The following DAB2IP variants were observed in gnomAD, a reference collection of about 807,000 sequenced individuals.
DAB2IP encodes disabled homolog 2-interacting protein.
A neutral mutation model predicts 107.2 loss-of-function variants in DAB2IP; 28 were observed. That is an observed-to-expected ratio of 0.26 (90% confidence interval 0.19 to 0.36). DAB2IP has a LOEUF of 0.36. Ranked by LOEUF, DAB2IP falls within the 10% of genes least tolerant of loss-of-function variation. The pLI is 1.00. For synonymous variants in DAB2IP, 755 were observed against 706.4 expected (o/e 1.07, Z -1.09); for missense variants, 1,400 against 1,644.7 (o/e 0.85, Z 2.57).
At chr9:121,585,356 G>A (rs1445591944) in intron 1 of DAB2IP, among the ~76,000 whole-genome samples, 1 of 152,128 alleles carries the variant, frequency 6.6e-6, no homozygotes, top group African/African-American at 2.4e-5. Context: ...TTTGAGGCAA[G>A]TTTCTTAACC....
At chr9:121,608,972 C>T (rs1365120041) in intron 1 of DAB2IP, among the ~76,000 whole-genome samples, 2 of 152,160 alleles carry the variant, frequency 1.3e-5, no homozygotes, top group Non-Finnish European at 2.9e-5. Context: ...GACAGCGTCT[C>T]GCTCTGTCGC....
intron 1 of DAB2IP, among the ~76,000 whole-genome samples, chr9:121,568,478 AAGG>A (rs1210485865): frequency 6.6e-6 from 1 of 152,178 alleles, no homozygotes; most frequent in Non-Finnish European, 1.5e-5. Context: ...TAGTGAATGG[AAGG>A]AGGAGGAGAA....
chr9:121,770,796 G>A (rs1834664774), intron 11 of DAB2IP, 72 bp downstream of exon 11: 4 of 1,559,556 alleles, frequency 2.6e-6, no homozygotes, highest in South Asian at 1.2e-5. Context: ...TGTAATCTCA[G>A]ATGGGGAAAG....
rs79553894 is a variant in DAB2IP at position 121,620,499 on chromosome 9, C to G, written c.40+53271C>G. On this transcript the variant is annotated intron_variant, in intron 1 of 16. Transcript: ENST00000259371. ...CATTCCCATCTGTAAAATGGGATAA[C>G]AGTGCTAACCCCAGTAGGTTCTTGG... Among the ~76,000 whole-genome samples the G allele has an allele frequency of 9.2e-3, 1,404 of 152,312 alleles. 17 individuals carry two copies. The highest frequency in any genetic ancestry group is 0.03 in the African/African-American group (1,235 of 41,560).
intron 3 of DAB2IP, among the ~76,000 whole-genome samples, 164 bp from the exon 4 acceptor site, chr9:121,756,849 T>C (rs565048799): frequency 6.7e-6 from 1 of 149,608 alleles, no homozygotes; most frequent in South Asian, 2.1e-4. Flanking sequence ...CACCAGTCTC[T>C]GTGACAGCCC....
chr9:121,737,542 C>T (rs2118880270), intron 3 of DAB2IP: 3 of 985,424 alleles, frequency 3.0e-6, no homozygotes, highest in Non-Finnish European at 3.6e-6. Flanking sequence ...TGGGAATGGG[C>T]CTCTGTGGCC....
chr9:121,740,382 C>T (rs1240047545), intron 3 of DAB2IP, among the ~76,000 whole-genome samples: 3 of 152,158 alleles, frequency 2.0e-5, no homozygotes, highest in South Asian at 4.1e-4. Context: ...GTGTTCCCCC[C>T]GTCAGCCCCT....
intron 1 of DAB2IP, among the ~76,000 whole-genome samples, chr9:121,602,030 C>T (rs1158585080): frequency 1.3e-5 from 2 of 151,814 alleles, no homozygotes; most frequent in African/African-American, 4.8e-5. Context: ...CACTTTAAAC[C>T]ACCCGCCACT....
intron 8 of DAB2IP, among the ~76,000 whole-genome samples, chr9:121,765,559 A>G (rs993948157): frequency 6.6e-6 from 1 of 152,150 alleles, no homozygotes; most frequent in African/African-American, 2.4e-5. Flanking sequence ...TGGCTCTGTG[A>G]GCTTGGCAGG....
chr9:121,656,222 G>T (rs185945033), intron 1 of DAB2IP, among the ~76,000 whole-genome samples: 3 of 152,074 alleles, frequency 2.0e-5, no homozygotes, highest in Admixed American at 6.5e-5. Flanking sequence ...TGGTCAGGCT[G>T]GTCTCGAACT....
chr9:121,766,670 G>A (rs1834308136), exon 9 of DAB2IP: 5 of 1,614,046 alleles, frequency 3.1e-6, no homozygotes, highest in East Asian at 2.2e-5. Flanking sequence ...CCTGATGACC[G>A]CACTGCCCGC....
In DAB2IP at chr9:121,785,368, A is replaced by G. The variant is rs148828899; in HGVS notation, c.*2870A>G. Reference sequence around the variant, plus strand: ...TTTGTAAGTATGTGAAAAGGAAAAAATGCAAACGTTGGAGTTTGGGCTGGA... The same window carrying G: ...TTTGTAAGTATGTGAAAAGGAAAAAGTGCAAACGTTGGAGTTTGGGCTGGA... On this transcript the variant is annotated 3_prime_UTR_variant, in exon 16 of 16. Coordinates refer to ENST00000408936, the Ensembl canonical transcript of DAB2IP. The G allele has an allele frequency of 1.8e-4, 27 of 152,752 alleles. No homozygotes were observed. The East Asian group carries it at 4.2e-3, about 24-fold the overall frequency. 9.5% of individuals were successfully genotyped at this position (152,752 alleles called of 1,614,324 possible). A position where few individuals can be genotyped will look rare whatever the true frequency, so the allele number is the denominator to read the frequency against.
intron 3 of DAB2IP, among the ~76,000 whole-genome samples, chr9:121,722,539 TC>T (rs2062513959): frequency 1.3e-5 from 2 of 152,174 alleles, no homozygotes; most frequent in African/African-American, 4.8e-5. Flanking sequence ...CAGGAAACTT[TC>T]ATTGAGCCCC....
chr9:121,632,073 A>T (rs1036962292), intron 1 of DAB2IP, among the ~76,000 whole-genome samples: 1 of 152,140 alleles, frequency 6.6e-6, no homozygotes, highest in Non-Finnish European at 1.5e-5. Context: ...CGTCCCAGCC[A>T]TGGAATGAGG....
chr9:121,719,033 T>A (rs144493589), intron 3 of DAB2IP, among the ~76,000 whole-genome samples: 7 of 152,322 alleles, frequency 4.6e-5, no homozygotes, highest in Non-Finnish European at 7.3e-5. Flanking sequence ...TCTCTTGACA[T>A]ATACATGTCC....
chr9:121,768,671 T>G, intron 10 of DAB2IP, 38 bp downstream of exon 10: 2 of 1,609,080 alleles, frequency 1.2e-6, no homozygotes, highest in Non-Finnish European at 1.7e-6. Flanking sequence ...GGCCAAAAGC[T>G]GCCATCAGGC....
At chr9:121,646,396 C>T (rs1047358818) in intron 1 of DAB2IP, among the ~76,000 whole-genome samples, 1 of 152,072 alleles carries the variant, frequency 6.6e-6, no homozygotes, top group Non-Finnish European at 1.5e-5. Context: ...GCCTTATTCC[C>T]GGATGAACAG....
At chr9:121,680,582 T>C (rs766804605) in intron 2 of DAB2IP, among the ~76,000 whole-genome samples, 23 of 152,110 alleles carry the variant, frequency 1.5e-4, no homozygotes, top group Non-Finnish European at 3.4e-4. Context: ...CTGATCTCTC[T>C]GGATCCCTGG....
intron 1 of DAB2IP, among the ~76,000 whole-genome samples, chr9:121,577,638 G>A (rs927531986): frequency 6.6e-6 from 1 of 152,130 alleles, no homozygotes; most frequent in Admixed American, 6.5e-5. Flanking sequence ...GCTGGGGGTG[G>A]CTGTCCCACC....
Sources: gnomAD v4.1 joint callset for allele counts (sites outside exome capture counted in the v4.1 genomes callset) on GRCh38, gnomAD v4.1.1 for gene constraint, MANE v1.5 for transcripts, NCBI Gene and HGNC (gene_info 2026-07-23, HGNC 2026-07-21) for gene names.